SMIM12: variants seen among roughly 807,000 people sequenced by gnomAD.
SMIM12 encodes the protein UPF0767 protein C1orf212.
In SMIM12, 5 loss-of-function variants were observed where a neutral mutation model predicts 6.3. The observed-to-expected ratio is 0.80, with a 90% CI of 0.42 to 1.68. The LOEUF is 1.68. Among genes scored for constraint, SMIM12 ranks in the 40% most tolerant of loss-of-function variants. SMIM12 has a pLI of 0.02. For missense variants in SMIM12, 103 were observed against 121.4 expected (o/e 0.85, Z 0.71); for synonymous variants, 51 against 48.0 (o/e 1.06, Z -0.26).
chr1:34,859,296 T>C (rs1336283368), intron 1 of SMIM12, among the ~76,000 whole-genome samples: 1 of 152,146 alleles, frequency 6.6e-6, no homozygotes, highest in Non-Finnish European at 1.5e-5. Context: ...ATTCAAGAAC[T>C]ACTAACAAGG....
Sources: gnomAD v4.1 joint callset for allele counts (sites outside exome capture counted in the v4.1 genomes callset) on GRCh38, gnomAD v4.1.1 for gene constraint, MANE v1.5 for transcripts, NCBI Gene and HGNC (gene_info 2026-07-23, HGNC 2026-07-21) for gene names.